USH2A: variants seen among roughly 807,000 people sequenced by gnomAD.
USH2A encodes usherin.
A neutral mutation model predicts 538.9 loss-of-function variants in USH2A; 443 were observed. That is an observed-to-expected ratio of 0.82 (90% CI 0.76 to 0.89). USH2A has a LOEUF of 0.89. Ranked by LOEUF, USH2A falls within the 40% of genes least tolerant of loss-of-function variation. The probability of loss-of-function intolerance (pLI) is 0.00; values close to 1 mark genes in which losing one functional copy is unlikely to be tolerated. For synonymous variants in USH2A, 2,413 were observed against 2,273.5 expected (o/e 1.06, Z -1.75); for missense variants, 6,633 against 6,324.8 (o/e 1.05, Z -1.65).
intron 4 of USH2A, among the ~76,000 whole-genome samples, chr1:216,342,548 T>G (rs1191717742): frequency 1.3e-5 from 2 of 152,204 alleles, no homozygotes; most frequent in Non-Finnish European, 2.9e-5. Flanking sequence ...ATATGTTTAC[T>G]GCAGCACTAT....
Position 216,325,395 on chromosome 1 carries a change from A to G in USH2A, c.1053T>C (p.Gly351=). 1 of 1,613,922 alleles carries G rather than the reference A, an allele frequency of 6.2e-7. No homozygotes were observed. The highest frequency in any genetic ancestry group is 1.3e-5 in the African/African-American group (1 of 75,028). Residue 351 remains glycine (G), a synonymous_variant, in exon 6 of 72, where the codon GGT becomes GGC. Transcript: ENST00000307340. ...PLSFVNDNDV[G]TSWVSNVFTN... ...TAAACACATTTGAAACCCATGAAGTACCAACATCATTATCATTGACAAAAG... is the reference window on the plus strand; with the variant it reads ...TAAACACATTTGAAACCCATGAAGTGCCAACATCATTATCATTGACAAAAG...
At chr1:215,948,441 T>C (rs546222935) in intron 37 of USH2A, among the ~76,000 whole-genome samples, 4,903 of 147,714 alleles carry the variant, frequency 0.033, 124 homozygotes, top group South Asian at 0.083. Context: ...TATATATATA[T>C]ATACACACAC....
chr1:215,645,384 G>T (rs1241981794), intron 67 of USH2A, among the ~76,000 whole-genome samples: 1 of 152,102 alleles, frequency 6.6e-6, no homozygotes, highest in Admixed American at 6.6e-5. Flanking sequence ...GGTTACTTAA[G>T]CTCTGGCCTT....
intron 21 of USH2A, among the ~76,000 whole-genome samples, chr1:216,105,174 C>T (rs2102580469): frequency 6.6e-6 from 1 of 152,080 alleles, no homozygotes; most frequent in East Asian, 1.9e-4. Flanking sequence ...GTTGAATTTA[C>T]CATTTTTTAA....
rs2031623277 is a variant in USH2A, at chr1:216,073,256, C to G, written c.5617G>C (p.Val1873Leu). Residue 1873 changes from valine to leucine, a missense_variant, in exon 28 of 72, where the codon GTC becomes CTC. By Grantham distance (32) the Val-to-Leu change is conservative (BLOSUM62 1). Coordinates refer to ENST00000307340, the MANE Select transcript of USH2A (RefSeq NM_206933.4). ...CTGGACACAGATGCCAAGTTAACGA[C>G]AGCACCCCGTGTAAATTTAACATCC... The part of the protein sequence containing the change: ...MKDVKFTRGA[V>L]VNLASVSSGA... 1 of 1,613,838 alleles carries G rather than the reference C, an allele frequency of 6.2e-7. No individual in the cohort carries two copies. Among genetic ancestry groups the G allele is most frequent in the Non-Finnish European group, 8.5e-7 (1 of 1,179,888 alleles).
intron 32 of USH2A, among the ~76,000 whole-genome samples, chr1:216,019,003 ATAAAG>A (rs1227669354): frequency 6.6e-6 from 1 of 152,194 alleles, no homozygotes; most frequent in African/African-American, 2.4e-5. Context: ...TAAGTATGCT[ATAAAG>A]TATTTTGTTC....
chr1:216,313,263 T>C (rs4846660), intron 9 of USH2A, among the ~76,000 whole-genome samples: 35,706 of 152,090 alleles, frequency 0.23, 4,196 homozygotes, highest in Middle Eastern at 0.34. Context: ...CGTCCTACTA[T>C]GCAGTCCGGT....
At chr1:215,778,141 G>A (rs988055801) in intron 55 of USH2A, among the ~76,000 whole-genome samples, 4 of 150,282 alleles carry the variant, frequency 2.7e-5, no homozygotes, top group East Asian at 2.0e-4. Flanking sequence ...AACCTCTGCC[G>A]CCCAGGTTGG....
chr1:215,864,612 A>G (rs112950310), intron 44 of USH2A, among the ~76,000 whole-genome samples: 129 of 152,240 alleles, frequency 8.5e-4, no homozygotes, highest in Non-Finnish European at 1.7e-3. Flanking sequence ...GAATCCTCAA[A>G]TTATCTTTAT....
At chr1:215,822,818 A>C (rs1290855783) in intron 47 of USH2A, among the ~76,000 whole-genome samples, 1 of 151,976 alleles carries the variant, frequency 6.6e-6, no homozygotes, top group African/African-American at 2.4e-5. Context: ...GGGACTTTAT[A>C]ATAAAGCCAT....
At chr1:215,761,427 C>T (rs1488851819) in intron 56 of USH2A, among the ~76,000 whole-genome samples, 1 of 152,112 alleles carries the variant, frequency 6.6e-6, no homozygotes, top group Non-Finnish European at 1.5e-5. Flanking sequence ...CTTTGACATA[C>T]TATTATTTTT....
chr1:215,740,830 G>C (rs1324288340), intron 60 of USH2A, among the ~76,000 whole-genome samples: 1 of 152,118 alleles, frequency 6.6e-6, no homozygotes, highest in Non-Finnish European at 1.5e-5. Context: ...TTCCACCTCA[G>C]ATCATCAGGC....
chr1:215,688,581 G>A (rs1406217205), intron 61 of USH2A, among the ~76,000 whole-genome samples: 1 of 152,110 alleles, frequency 6.6e-6, no homozygotes, highest in Non-Finnish European at 1.5e-5. Flanking sequence ...GAGGTTAGAA[G>A]TCTAAGATCA....
At position 215,965,316 on chromosome 1, in the gene USH2A, C is replaced by T. The variant is rs1667311758; in HGVS notation, c.7120+1G>A. On this transcript the variant is annotated splice_donor_variant, in intron 37 of 71. Transcript: ENST00000307340. LOFTEE classifies it high-confidence loss of function. ...AAGTTTAGAAAATAAAAACAAATTA[C>T]CTGGGTCTACATAGAATATCCCAGT... 1.2e-6 allele frequency: 2 copies of T among 1,612,202 alleles called. No individual in the cohort carries two copies. Among genetic ancestry groups the T allele is most frequent in the African/African-American group, 2.7e-5 (2 of 74,912 alleles).
intron 66 of USH2A, among the ~76,000 whole-genome samples, 157 bp downstream of exon 66, chr1:215,648,371 T>C (rs901512972): frequency 6.6e-6 from 1 of 152,260 alleles, no homozygotes; most frequent in Non-Finnish European, 1.5e-5. Context: ...GTTTGTCTAC[T>C]TTGCTATAGA....
chr1:216,256,424 G>A (rs537088281), intron 11 of USH2A, among the ~76,000 whole-genome samples: 1 of 148,568 alleles, frequency 6.7e-6, no homozygotes, highest in South Asian at 2.1e-4. Flanking sequence ...TATGATTTTA[G>A]TGGTTTTTAT....
intron 64 of USH2A, among the ~76,000 whole-genome samples, chr1:215,669,095 A>T (rs1657725900): frequency 6.6e-6 from 1 of 152,192 alleles, no homozygotes; most frequent in Admixed American, 6.5e-5. Flanking sequence ...TCCACAGATC[A>T]TGTGACCAGA....
chr1:216,016,899 C>T (rs958325150), intron 32 of USH2A, among the ~76,000 whole-genome samples: 1 of 151,344 alleles, frequency 6.6e-6, no homozygotes. Context: ...AAGGGAGAAC[C>T]CTTATTGTCA....
In USH2A at chr1:216,366,561, C is replaced by A. The variant is rs183812354; in HGVS notation, c.652-1476G>T. ...CATCTTAAAATCATGTGTACTATTG[C>A]CTTAAAAATCTTTTTCAATGTCCCC... On this transcript the variant is annotated intron_variant, in intron 3 of 71. Transcript: ENST00000307340. 4.6e-5 allele frequency among the ~76,000 whole-genome samples: 7 copies of A among 151,704 alleles called. No homozygotes were observed. The East Asian group carries it at 1.4e-3, about 29-fold the overall frequency.
Sources: allele counts gnomAD v4.1 joint callset (sites outside exome capture counted in the v4.1 genomes callset), GRCh38; gene constraint gnomAD v4.1.1; transcripts MANE v1.5; gene names NCBI Gene and HGNC (gene_info 2026-07-23, HGNC 2026-07-21).